Variants in THSD7A observed in about 807,000 individuals in gnomAD.
The protein encoded by THSD7A is thrombospondin type 1 domain containing 7A.
Under a neutral mutation model 231.3 loss-of-function variants are expected in THSD7A, and 96 were observed. The ratio of observed to expected loss-of-function variants is 0.41; its 90% CI spans 0.35 to 0.49. THSD7A has a LOEUF of 0.49. THSD7A is among the 20% of genes least tolerant of loss of function. The pLI is 0.05. For synonymous variants in THSD7A, 940 were observed against 743.3 expected (o/e 1.26, Z -4.30); for missense variants, 2,290 against 2,070.2 (o/e 1.11, Z -2.06).
intron 1 of THSD7A, among the ~76,000 whole-genome samples, chr7:11,809,921 T>C (rs186157619): frequency 6.6e-6 from 1 of 152,212 alleles, no homozygotes; most frequent in Non-Finnish European, 1.5e-5. Flanking sequence ...AAGTTGAAGG[T>C]AGTGGTTCTA....
chr7:11,378,332 C>T (rs1197668217), intron 26 of THSD7A, among the ~76,000 whole-genome samples: 2 of 152,182 alleles, frequency 1.3e-5, no homozygotes, highest in African/African-American at 4.8e-5. Context: ...CATTTTCAAG[C>T]ACCAGGTTAG....
rs1250667836 is a variant in THSD7A at position 11,739,924 on chromosome 7, G to A, written c.190+91833C>T. ...AAGGTGGAAGAGCTAATAAGAGGGT[G>A]TGTTAACGTGCTAGCTTGGTATCAA... On this transcript the variant is annotated intron_variant, in intron 1 of 27. Transcript: ENST00000423059. Among the ~76,000 whole-genome samples, 7 of 151,962 alleles carry A rather than the reference G, an allele frequency of 4.6e-5. No homozygotes were observed. The East Asian group carries it at 1.4e-3, about 30-fold the overall frequency.
At chr7:11,432,080 A>G (rs1784493492) in intron 13 of THSD7A, among the ~76,000 whole-genome samples, 1 of 152,140 alleles carries the variant, frequency 6.6e-6, no homozygotes, top group South Asian at 2.1e-4. Flanking sequence ...ACTATACAGT[A>G]TTTCCTAGCC....
At chr7:11,452,761 G>C (rs977959807) in intron 11 of THSD7A, among the ~76,000 whole-genome samples, 1 of 151,958 alleles carries the variant, frequency 6.6e-6, no homozygotes, top group Non-Finnish European at 1.5e-5. Flanking sequence ...TTTTATGACA[G>C]ATCTCCCAGA....
chr7:11,831,721 G>A lies in THSD7A; in HGVS notation c.190+36C>T. ...CCAGCTCCTTAATGTGGCCCCAGAT[G>A]TGAAGATGGGGAAAGGGTAACTCCG... On this transcript the variant is annotated intron_variant, in intron 1 of 27. Transcript: ENST00000423059. This position sits in a 1 kb window ranked among gnomAD's most constrained non-coding sequence, Gnocchi z 5.0. 1 of 1,355,446 alleles carries A rather than the reference G, an allele frequency of 7.4e-7. No homozygotes were observed. The allele number at this position is 1,355,446 out of a possible 1,614,324, so 84.0% of individuals were successfully genotyped here.
At chr7:11,416,850 C>A (rs962853015) in intron 17 of THSD7A, among the ~76,000 whole-genome samples, 1 of 152,104 alleles carries the variant, frequency 6.6e-6, no homozygotes, top group Non-Finnish European at 1.5e-5. Context: ...AATATAGAAG[C>A]TTTGTGTGAT....
At chr7:11,587,706 T>C (rs1448460036) in intron 4 of THSD7A, among the ~76,000 whole-genome samples, 1 of 152,188 alleles carries the variant, frequency 6.6e-6, no homozygotes, top group Non-Finnish European at 1.5e-5. Flanking sequence ...ATGGTGTGTG[T>C]CACTTAGTAG....
In THSD7A at chr7:11,411,328, A is replaced by G; in HGVS notation, c.3683-6T>C. ...CAGCTGACATGTACTCCAGTCTGAA[A>G]AAAAGGGAAGCCCATCAGAACAGAA... is the stretch of plus-strand genomic sequence containing the variant. On this transcript the variant is annotated splice_polypyrimidine_tract_variant and splice_region_variant and intron_variant, in intron 18 of 27. Transcript: ENST00000423059. The surrounding 1 kb of genome is among the most constrained non-coding windows in gnomAD (Gnocchi z 4.1). 1.9e-6 allele frequency: 3 copies of G among 1,601,246 alleles called. No individual in the cohort carries two copies. The highest frequency in any genetic ancestry group is 2.6e-6 in the Non-Finnish European group (3 of 1,169,320).
intron 1 of THSD7A, among the ~76,000 whole-genome samples, chr7:11,752,171 C>G (rs2128165188): frequency 6.6e-6 from 1 of 152,188 alleles, no homozygotes; most frequent in South Asian, 2.1e-4. Context: ...CATATAAAAG[C>G]ACTCAGACCA....
chr7:11,697,464 G>C (rs1780437516), intron 1 of THSD7A, among the ~76,000 whole-genome samples: 1 of 151,176 alleles, frequency 6.6e-6, no homozygotes. Flanking sequence ...ACAATTTTAT[G>C]TGCTACATAG....
At chr7:11,569,326 C>CAAT (rs374965062) in intron 4 of THSD7A, among the ~76,000 whole-genome samples, 4 of 151,790 alleles carry the variant, frequency 2.6e-5, no homozygotes, top group South Asian at 2.1e-4. Context: ...AACTCAACTG[C>CAAT]AATAATAATA....
intron 1 of THSD7A, among the ~76,000 whole-genome samples, chr7:11,785,205 T>C (rs1783750310): frequency 6.6e-6 from 1 of 152,126 alleles, no homozygotes. Context: ...GTCTTTTTAA[T>C]TTAGTTATTT....
At chr7:11,548,281 A>T (rs1235625533) in intron 4 of THSD7A, among the ~76,000 whole-genome samples, 1 of 152,096 alleles carries the variant, frequency 6.6e-6, no homozygotes, top group Non-Finnish European at 1.5e-5. Flanking sequence ...ATTCCTAAAA[A>T]TATACAACCT....
At chr7:11,425,731 TACACACACACACACACACACAC>T (rs3086973) in intron 15 of THSD7A, among the ~76,000 whole-genome samples, 1 of 145,708 alleles carries the variant, frequency 6.9e-6, no homozygotes, top group East Asian at 2.0e-4. Context: ...TCCCTTATTT[TACACACACACACACACACACAC>T]ACACACACAC....
Position 11,460,780 on chromosome 7 carries a change from C to G in THSD7A, c.2502-15G>C, listed in dbSNP as rs1236510675. The G allele has an allele frequency of 3.7e-6, 6 of 1,605,182 alleles. No individual in the cohort carries two copies. In the Admixed American group the frequency reaches 1.0e-4, roughly 27 times the overall value. On this transcript the variant is annotated splice_polypyrimidine_tract_variant and intron_variant, in intron 10 of 27. Coordinates refer to ENST00000423059, the MANE Select transcript of THSD7A (RefSeq NM_015204.3). Reference sequence around the variant, plus strand: ...GAGTCTTCCACCTACAAGACAGGAACAGAAGCCCAGTGGGGAAGAAGCAAA... The same window carrying G: ...GAGTCTTCCACCTACAAGACAGGAAGAGAAGCCCAGTGGGGAAGAAGCAAA...
chr7:11,796,067 T>C (rs953816632), intron 1 of THSD7A, among the ~76,000 whole-genome samples: 3 of 120,500 alleles, frequency 2.5e-5, no homozygotes, highest in Non-Finnish European at 3.4e-5. Context: ...TATATATATA[T>C]ATATATATAT....
chr7:11,657,237 G>C (rs572048101), intron 1 of THSD7A, among the ~76,000 whole-genome samples: 1 of 151,814 alleles, frequency 6.6e-6, no homozygotes, highest in African/African-American at 2.4e-5. Context: ...TAAATCCTTA[G>C]TAGAACTCAC....
At chr7:11,659,457 A>G (rs1042295512) in intron 1 of THSD7A, among the ~76,000 whole-genome samples, 1 of 151,452 alleles carries the variant, frequency 6.6e-6, no homozygotes, top group African/African-American at 2.4e-5. Flanking sequence ...GTAAACTTAT[A>G]TTGTATTTCA....
chr7:11,475,369 C>T (rs1377520550), intron 7 of THSD7A, among the ~76,000 whole-genome samples: 1 of 151,900 alleles, frequency 6.6e-6, no homozygotes, highest in South Asian at 2.1e-4. Flanking sequence ...GGAGATTCTG[C>T]GGCAGCACAG....
Sources: allele counts gnomAD v4.1 joint callset (sites outside exome capture counted in the v4.1 genomes callset), GRCh38; gene constraint gnomAD v4.1.1; non-coding constraint Gnocchi (gnomAD v3.1); transcripts MANE v1.5; gene names NCBI Gene and HGNC (gene_info 2026-07-23, HGNC 2026-07-21).